PDZD2: variants seen among roughly 807,000 people sequenced by gnomAD.
PDZD2 encodes PDZ domain containing 2, also known as PDZ domain-containing protein 2.
PDZD2 carries 90 observed loss-of-function variants against 220.7 expected under a neutral mutation model. The observed-to-expected ratio is 0.41, with a 90% CI of 0.34 to 0.49. PDZD2 has a LOEUF of 0.49. Among genes scored for constraint, PDZD2 ranks in the 20% least tolerant of loss-of-function variants. The pLI, the probability that PDZD2 is intolerant of heterozygous loss-of-function variation, is 0.28. For synonymous variants in PDZD2, 1,375 were observed against 1,450.5 expected, an observed-to-expected ratio of 0.95 and a Z score of 1.18; for missense variants, 3,174 against 3,608.5, an observed-to-expected ratio of 0.88 and a Z score of 3.08.
chr5:31,938,811 C>T (rs181841431), intron 2 of PDZD2, among the ~76,000 whole-genome samples: 1 of 152,312 alleles, frequency 6.6e-6, no homozygotes, highest in Admixed American at 6.5e-5. Context: ...GCTCCTCTAC[C>T]CAGCACAGTA....
intron 4 of PDZD2, among the ~76,000 whole-genome samples, chr5:31,998,086 C>T (rs1751786947): frequency 6.6e-6 from 1 of 152,098 alleles, no homozygotes; most frequent in African/African-American, 2.4e-5. Context: ...CGTGATCCAT[C>T]CATCTCAGCC....
At chr5:31,980,007 G>T (rs6450883) in intron 2 of PDZD2, among the ~76,000 whole-genome samples, 148,887 of 152,370 alleles carry the variant, frequency 0.98, 72,823 homozygotes, top group African/African-American at 0.99. Flanking sequence ...GTATTCACTA[G>T]GAACACAAAA....
chr5:31,800,056 G>T (rs1240571777), intron 2 of PDZD2, among the ~76,000 whole-genome samples: 2 of 151,986 alleles, frequency 1.3e-5, no homozygotes, highest in African/African-American at 4.8e-5. Context: ...GCATATTTCT[G>T]TTTTCTACCC....
chr5:31,877,246 C>T (rs1225700321), intron 2 of PDZD2, among the ~76,000 whole-genome samples: 1 of 152,062 alleles, frequency 6.6e-6, no homozygotes, highest in East Asian at 1.9e-4. Context: ...GATGGGTTCT[C>T]TCTCTGTCAC....
At chr5:31,906,874 C>G (rs560722975) in intron 2 of PDZD2, among the ~76,000 whole-genome samples, 5 of 152,264 alleles carry the variant, frequency 3.3e-5, no homozygotes, top group African/African-American at 1.2e-4. Flanking sequence ...AGACTACTTA[C>G]AATATCTAGA....
chr5:31,904,526 TTTTA>T lies in PDZD2; in HGVS notation c.477-78617_477-78614del, dbSNP rs1382582426. ...GGAAATCAATACTTGTTAATATGTC[TTTTA>T]TTTATTTATTTTTTTGAGACAGAGT... On this transcript the variant is annotated intron_variant, in intron 2 of 24. Transcript: ENST00000438447. 5.3e-5 allele frequency among the ~76,000 whole-genome samples: 8 copies of T among 152,300 alleles called. No individual in the cohort carries two copies. In the East Asian group the frequency reaches 7.7e-4, roughly 15 times the overall value.
At position 32,096,829 on chromosome 5, in the gene PDZD2, A is replaced by ATTTTTTTTT. The variant is rs71831480; in HGVS notation, c.7846-434_7846-426dup. On this transcript the variant is annotated intron_variant, in intron 21 of 24. Transcript: ENST00000438447. ...CATCATGATCAAATTATGTACTATG[A>ATTTTTTTTT]TTTTTTTTTTTTTTTTTTTTTTTTG... 8.3e-5 allele frequency among the ~76,000 whole-genome samples: 8 copies of ATTTTTTTTT among 96,832 alleles called. 1 individual carries two copies. The highest frequency in any genetic ancestry group is 9.4e-5 in the Non-Finnish European group (5 of 53,326). 63.5% of individuals were successfully genotyped at this position (96,832 alleles called of 152,430 possible). A position where few individuals can be genotyped will look rare whatever the true frequency, so the allele number is the denominator to read the frequency against.
intron 19 of PDZD2, among the ~76,000 whole-genome samples, chr5:32,082,179 G>A (rs945120658): frequency 1.3e-5 from 2 of 151,506 alleles, no homozygotes; most frequent in African/African-American, 4.9e-5. Context: ...CCACCACCAC[G>A]CTCGGCCAAT....
chr5:32,013,667 C>G (rs1381927668), intron 6 of PDZD2, among the ~76,000 whole-genome samples: 1 of 152,166 alleles, frequency 6.6e-6, no homozygotes, highest in Non-Finnish European at 1.5e-5. Context: ...CGTCATGCCA[C>G]CAGAAGCTCT....
At chr5:32,095,030 G>A (rs1317020127) in intron 21 of PDZD2, among the ~76,000 whole-genome samples, 7 of 152,216 alleles carry the variant, frequency 4.6e-5, no homozygotes, top group Non-Finnish European at 1.0e-4. Context: ...AGTCAAGGGG[G>A]CACAGGTGGG....
chr5:31,988,127 A>T (rs549371728), intron 3 of PDZD2, among the ~76,000 whole-genome samples: 3 of 152,272 alleles, frequency 2.0e-5, no homozygotes, highest in Admixed American at 2.0e-4. Flanking sequence ...TAAACAGCAC[A>T]TCTCATTACT....
At chr5:31,750,322 C>T (rs1388616732) in intron 1 of PDZD2, among the ~76,000 whole-genome samples, 5 of 152,202 alleles carry the variant, frequency 3.3e-5, no homozygotes, top group African/African-American at 1.2e-4. Flanking sequence ...CCCTGTACAT[C>T]CTCCTTTCTG....
At chr5:32,078,636 A>T (rs13156682) in intron 19 of PDZD2, among the ~76,000 whole-genome samples, 8,766 of 66,406 alleles carry the variant, frequency 0.13, 1,142 homozygotes, top group African/African-American at 0.43. Flanking sequence ...TGTCTCAAAA[A>T]TTAAAAAAAA....
chr5:32,101,471 C>T (rs1744252542), intron 24 of PDZD2, among the ~76,000 whole-genome samples: 1 of 152,194 alleles, frequency 6.6e-6, no homozygotes, highest in South Asian at 2.1e-4. Flanking sequence ...GAAACTGAGG[C>T]ACGTAGGGTC....
chr5:32,068,948 A>G lies in PDZD2; in HGVS notation c.2452-621A>G, dbSNP rs138563253. On this transcript the variant is annotated intron_variant, in intron 14 of 24. Transcript: ENST00000438447. ...TATACTACTCTTGCACTACTCTTAC[A>G]TGTTTTATGTAGGTTTAAAATTGCT... Among the ~76,000 whole-genome samples the G allele has an allele frequency of 2.0e-5, 3 of 152,224 alleles. No individual in the cohort carries two copies. In the East Asian group the frequency reaches 5.8e-4, roughly 29 times the overall value.
intron 1 of PDZD2, among the ~76,000 whole-genome samples, chr5:31,649,899 C>CT (rs1001366704): frequency 4.5e-5 from 6 of 132,320 alleles, no homozygotes; most frequent in African/African-American, 1.7e-4. Context: ...GATCACACCA[C>CT]TGCACTCCAG....
rs1289010395 is a variant in PDZD2, at chr5:32,071,433, ACTG to A, written c.2568+18_2568+20del. On this transcript the variant is annotated intron_variant, in intron 16 of 24. Coordinates refer to ENST00000438447, the MANE Select transcript of PDZD2 (RefSeq NM_178140.4). ...TTGCAAAAAAGGTGAGTCAAGGTGA[ACTG>A]CTACCTGCCTCCCTCAGCTGGACCA... 6.3e-7 allele frequency: 1 copy of A among 1,598,102 alleles called. No individual in the cohort carries two copies.
rs1376412357 is a variant in PDZD2, at chr5:31,799,151, C to T, written c.-98C>T. The T allele has an allele frequency of 6.9e-6, 5 of 727,778 alleles. No homozygotes were observed. The highest frequency in any genetic ancestry group is 5.3e-5 in the African/African-American group (3 of 56,200). The allele number at this position is 727,778 out of a possible 1,614,324, so 45.1% of individuals were successfully genotyped here. ...AGCCTGAACATGAACACAGGCAAAG[C>T]TGATGATGGCCAGGGACCCCAGGGG... On this transcript the variant is annotated 5_prime_UTR_variant, in exon 2 of 25. Coordinates refer to ENST00000438447, the MANE Select transcript of PDZD2 (RefSeq NM_178140.4).
chr5:31,832,241 A>C (rs1756645344), intron 2 of PDZD2, among the ~76,000 whole-genome samples: 1 of 152,160 alleles, frequency 6.6e-6, no homozygotes, highest in Admixed American at 6.6e-5. Flanking sequence ...CAGAAAATGA[A>C]ATGGAAGTTA....
Sources: allele counts gnomAD v4.1 joint callset (sites outside exome capture counted in the v4.1 genomes callset), GRCh38; gene constraint gnomAD v4.1.1; transcripts MANE v1.5; gene names NCBI Gene and HGNC (gene_info 2026-07-23, HGNC 2026-07-21).